Variants in PCDHA10 observed in about 807,000 individuals in gnomAD.
The protein encoded by PCDHA10 is protocadherin alpha-10.
Under a neutral mutation model 61.2 loss-of-function variants are expected in PCDHA10, and 45 were observed. The observed-to-expected ratio is 0.74, with a 90% confidence interval of 0.58 to 0.94. The LOEUF (loss-of-function observed/expected upper bound fraction) is 0.94, where lower values mean the gene tolerates loss of function less well. PCDHA10 is among the 40% of genes least tolerant of loss of function. The probability of loss-of-function intolerance (pLI) is 0.00; values close to 1 mark genes in which losing one functional copy is unlikely to be tolerated. For synonymous variants in PCDHA10, 602 were observed against 548.8 expected (o/e 1.10, Z -1.35); for missense variants, 1,278 against 1,236.2 (o/e 1.03, Z -0.51).
intron 3 of PCDHA10, among the ~76,000 whole-genome samples, chr5:140,984,830 T>C (rs2097123075): frequency 6.6e-6 from 1 of 152,220 alleles, no homozygotes; most frequent in South Asian, 2.1e-4. Context: ...TTACCCTTTC[T>C]GTAAATTGGG....
intron 1 of PCDHA10, among the ~76,000 whole-genome samples, chr5:140,970,569 C>T (rs1346474165): frequency 3.9e-5 from 6 of 152,038 alleles, no homozygotes; most frequent in African/African-American, 1.4e-4. Flanking sequence ...CATATGTATG[C>T]TTGAAATAAC....
intron 1 of PCDHA10, among the ~76,000 whole-genome samples, chr5:140,960,487 GGTTT>G: frequency 6.6e-6 from 1 of 152,236 alleles, no homozygotes; most frequent in South Asian, 2.1e-4. Context: ...CAGAGGTGTA[GGTTT>G]GTTTGTTCCA....
chr5:140,990,760 G>A (rs2097413418), intron 3 of PCDHA10, among the ~76,000 whole-genome samples: 1 of 152,182 alleles, frequency 6.6e-6, no homozygotes, highest in Non-Finnish European at 1.5e-5. Context: ...CTTTGAGCCT[G>A]TAAATTTGGC....
chr5:140,948,902 T>C (rs943078074), intron 1 of PCDHA10, among the ~76,000 whole-genome samples: 1 of 151,528 alleles, frequency 6.6e-6, no homozygotes, highest in Non-Finnish European at 1.5e-5. Flanking sequence ...TTAAGTGGAT[T>C]CTTAGGTAAC....
intron 1 of PCDHA10, among the ~76,000 whole-genome samples, chr5:140,952,680 G>A (rs1013469820): frequency 6.6e-6 from 1 of 152,128 alleles, no homozygotes; most frequent in Middle Eastern, 3.2e-3. Flanking sequence ...CACATTTTCA[G>A]GATCTTTATA....
chr5:140,882,745 T>C (rs782756975), intron 1 of PCDHA10: 1 of 1,614,124 alleles, frequency 6.2e-7, no homozygotes, highest in Non-Finnish European at 8.5e-7. Flanking sequence ...GCGCATCCGA[T>C]GCAGATATTG....
At chr5:140,928,356 C>A in intron 1 of PCDHA10, 1 of 1,614,176 alleles carries the variant, frequency 6.2e-7, no homozygotes, top group South Asian at 1.1e-5. Context: ...TGGATGTTAT[C>A]TCTGAAGGGC....
chr5:140,884,821 G>A, intron 1 of PCDHA10: 2 of 1,011,756 alleles, frequency 2.0e-6, no homozygotes, highest in South Asian at 2.2e-5. Flanking sequence ...TGGACATTAT[G>A]TGTTGGATTA....
intron 1 of PCDHA10, chr5:140,871,488 C>T (rs370808040): frequency 3.4e-5 from 54 of 1,591,050 alleles, no homozygotes; most frequent in Non-Finnish European, 4.5e-5. Flanking sequence ...CAAATCACCC[C>T]GGACAGGTGA....
At chr5:140,869,139 AC>A in intron 1 of PCDHA10, 1 of 1,613,274 alleles carries the variant, frequency 6.2e-7, no homozygotes. Flanking sequence ...TGGGCACCCC[AC>A]GACTACAGCT....
Position 140,993,460 on chromosome 5 carries a change from T to TCC in PCDHA10, c.2536+10898_2536+10899insCC, listed in dbSNP as rs1554253699. ...TTCATTCCTGTTCTCCTTCTTTCTT[T>TCC]CTCACACACACACACACACACACAC... On this transcript the variant is annotated intron_variant, in intron 3 of 3. Coordinates refer to ENST00000307360, the MANE Select transcript of PCDHA10 (RefSeq NM_018901.4). Among the ~76,000 whole-genome samples, 535 of 104,558 alleles carry TCC rather than the reference T, an allele frequency of 5.1e-3. 5 individuals carry two copies. Among genetic ancestry groups the TCC allele is most frequent in the African/African-American group, 0.02 (517 of 25,554 alleles). The allele number at this position is 104,558 out of a possible 152,430, so 68.6% of individuals were successfully genotyped here. A position where few individuals can be genotyped will look rare whatever the true frequency, so the allele number is the denominator to read the frequency against.
intron 1 of PCDHA10, among the ~76,000 whole-genome samples, chr5:140,977,927 T>G (rs1214119079): frequency 6.6e-6 from 1 of 152,180 alleles, no homozygotes; most frequent in Non-Finnish European, 1.5e-5. Context: ...TTCATTCAAC[T>G]ATACCTCAAT....
chr5:140,992,857 CTCT>C (rs2097531206), intron 3 of PCDHA10, among the ~76,000 whole-genome samples: 2 of 152,148 alleles, frequency 1.3e-5, no homozygotes, highest in Non-Finnish European at 2.9e-5. Context: ...ACCAGTTTCA[CTCT>C]AGCTCCCTCC....
chr5:140,972,919 C>T (rs1231455019), intron 1 of PCDHA10, among the ~76,000 whole-genome samples: 1 of 152,078 alleles, frequency 6.6e-6, no homozygotes, highest in African/African-American at 2.4e-5. Flanking sequence ...GCCTTGGCCT[C>T]CCAAAGTGCT....
chr5:140,869,010 T>C (rs919333995), intron 1 of PCDHA10: 3 of 1,523,768 alleles, frequency 2.0e-6, no homozygotes, highest in African/African-American at 2.8e-5. Flanking sequence ...CCTTTGAAAC[T>C]TCTTAAGAAT....
At chr5:140,882,259 G>A (rs1554173247) in intron 1 of PCDHA10, 1 of 1,603,126 alleles carries the variant, frequency 6.2e-7, no homozygotes, top group Non-Finnish European at 8.5e-7. Flanking sequence ...TGAGGTTTTT[G>A]GAGTGTACCA....
chr5:140,884,745 A>G (rs1479357916), intron 1 of PCDHA10: 20 of 1,431,734 alleles, frequency 1.4e-5, no homozygotes, highest in Non-Finnish European at 1.7e-5. Context: ...TTTCCTGCCA[A>G]TTTCAAATTA....
At chr5:140,940,965 A>G (rs2092710706) in intron 1 of PCDHA10, among the ~76,000 whole-genome samples, 1 of 152,226 alleles carries the variant, frequency 6.6e-6, no homozygotes, top group Admixed American at 6.5e-5. Context: ...AATATGCAGG[A>G]TATCTGGTAT....
rs535420158 is a variant in PCDHA10, at chr5:140,966,438, T to TC, written c.2389-12508dup. Reference sequence around the variant, plus strand: ...AGGACTTGCTGAGCCCTCCTACCGCTCCCTTTCCCCCTCCCCCTCTGTCTT... The same window carrying TC: ...AGGACTTGCTGAGCCCTCCTACCGCTCCCCTTTCCCCCTCCCCCTCTGTCTT... On this transcript the variant is annotated intron_variant, in intron 1 of 3. Transcript: ENST00000307360. 1.4e-5 allele frequency: 6 copies of TC among 422,688 alleles called. No homozygotes were observed. The East Asian group carries it at 1.4e-4, about 10-fold the overall frequency. 26.2% of individuals were successfully genotyped at this position (422,688 alleles called of 1,614,324 possible).
Sources: allele counts gnomAD v4.1 joint callset (sites outside exome capture counted in the v4.1 genomes callset), GRCh38; gene constraint gnomAD v4.1.1; transcripts MANE v1.5; gene names NCBI Gene and HGNC (gene_info 2026-07-23, HGNC 2026-07-21).